CEP112: variants seen among roughly 807,000 people sequenced by gnomAD.
The protein encoded by CEP112 is centrosomal protein 112, also known as centrosomal protein of 112 kDa.
Under a neutral mutation model 153.0 loss-of-function variants are expected in CEP112, and 127 were observed. The observed-to-expected ratio is 0.83, with a 90% CI of 0.72 to 0.96. The LOEUF is 0.96. Ranked by LOEUF, CEP112 falls within the 40% of genes least tolerant of loss-of-function variation. The probability of loss-of-function intolerance (pLI) is 0.00; values close to 1 mark genes in which losing one functional copy is unlikely to be tolerated. For missense variants in CEP112, 1,089 were observed against 1,101.2 expected, an observed-to-expected ratio of 0.99 and a Z score of 0.16; for synonymous variants, 358 against 374.4, an observed-to-expected ratio of 0.96 and a Z score of 0.51.
At chr17:65,779,923 G>A (rs867776926) in intron 21 of CEP112, among the ~76,000 whole-genome samples, 78 of 152,080 alleles carry the variant, frequency 5.1e-4, no homozygotes, top group African/African-American at 1.8e-3. Flanking sequence ...ACTCAGTACT[G>A]AGTTTCTCAT....
intron 21 of CEP112, among the ~76,000 whole-genome samples, chr17:65,768,640 G>A (rs1407214520): frequency 6.8e-6 from 1 of 147,896 alleles, no homozygotes; most frequent in Non-Finnish European, 1.5e-5. Context: ...TGCAAGGCTG[G>A]TTTAATATAC....
intron 18 of CEP112, among the ~76,000 whole-genome samples, chr17:65,950,717 G>A (rs12944212): frequency 3.3e-5 from 4 of 120,804 alleles, no homozygotes; most frequent in Non-Finnish European, 7.4e-5. Context: ...AGTAGTAGTA[G>A]TAGTAGTAGT....
intron 21 of CEP112, among the ~76,000 whole-genome samples, chr17:65,847,573 T>A (rs1230653241): frequency 6.6e-6 from 1 of 152,192 alleles, no homozygotes; most frequent in East Asian, 1.9e-4. Flanking sequence ...AGGTCATGCC[T>A]CCTGTCACTC....
intron 18 of CEP112, 73 bp from the exon 19 acceptor site, chr17:65,927,762 T>C: frequency 1.1e-6 from 1 of 888,210 alleles, no homozygotes; most frequent in South Asian, 2.1e-5. Flanking sequence ...AATTTGTCCA[T>C]TTGTTTAAAT....
At chr17:65,882,192 C>T (rs554572384) in intron 20 of CEP112, among the ~76,000 whole-genome samples, 1 of 152,370 alleles carries the variant, frequency 6.6e-6, no homozygotes, top group African/African-American at 2.4e-5. Context: ...CTGCCTGCTG[C>T]CTGCTCCCAG....
At chr17:66,048,922 G>T (rs8079213) in intron 12 of CEP112, among the ~76,000 whole-genome samples, 149,370 of 152,280 alleles carry the variant, frequency 0.98, 73,321 homozygotes, top group East Asian at 1. Context: ...AAAGCACTAA[G>T]TGTAAAAGAC....
intron 21 of CEP112, among the ~76,000 whole-genome samples, chr17:65,761,653 C>T (rs530086225): frequency 1.4e-4 from 21 of 152,060 alleles, no homozygotes; most frequent in East Asian, 7.7e-4. Flanking sequence ...TTCTTTGACC[C>T]GTGTGATTTT....
chr17:66,012,012 G>A (rs1318864747), intron 16 of CEP112, among the ~76,000 whole-genome samples: 1 of 152,136 alleles, frequency 6.6e-6, no homozygotes, highest in African/African-American at 2.4e-5. Flanking sequence ...TTGATTTAAA[G>A]GCTGTTTTGT....
intron 21 of CEP112, among the ~76,000 whole-genome samples, chr17:65,756,405 C>CAAAAAAAAAAAAAAAAAAAAAAAAAAA (rs766476895): frequency 3.3e-5 from 1 of 30,514 alleles, no homozygotes; most frequent in Non-Finnish European, 6.0e-5. Context: ...GACTCCGTCT[C>CAAAAAAAAAAAAAAAAAAAAAAAAAAA]AAAAAAAAAA....
At chr17:66,130,567 A>C (rs1380783645) in intron 5 of CEP112, among the ~76,000 whole-genome samples, 3 of 152,164 alleles carry the variant, frequency 2.0e-5, no homozygotes, top group Non-Finnish European at 4.4e-5. Context: ...CGAGGTCAGG[A>C]GATCAAGACC....
At chr17:66,069,099 T>G (rs1346978997) in intron 9 of CEP112, among the ~76,000 whole-genome samples, 1 of 151,718 alleles carries the variant, frequency 6.6e-6, no homozygotes, top group East Asian at 1.9e-4. Flanking sequence ...TATATATATA[T>G]TAAGCTTTTA....
At chr17:65,712,355 A>G (rs2049241435) in intron 23 of CEP112, among the ~76,000 whole-genome samples, 1 of 151,850 alleles carries the variant, frequency 6.6e-6, no homozygotes, top group African/African-American at 2.4e-5. Context: ...AAAAATAAAC[A>G]CCTCCTTATC....
intron 19 of CEP112, among the ~76,000 whole-genome samples, chr17:65,923,987 T>C (rs2060826404): frequency 6.6e-6 from 1 of 152,146 alleles, no homozygotes; most frequent in Non-Finnish European, 1.5e-5. Flanking sequence ...ATTTATTTAT[T>C]TATTTTTGAG....
chr17:66,144,166 G>C (rs999519916), intron 4 of CEP112, among the ~76,000 whole-genome samples: 1 of 152,078 alleles, frequency 6.6e-6, no homozygotes, highest in African/African-American at 2.4e-5. Flanking sequence ...GATGAGTTTT[G>C]ACAAAAGTAC....
At chr17:65,855,978 C>T (rs1467425108) in intron 20 of CEP112, among the ~76,000 whole-genome samples, 1 of 152,002 alleles carries the variant, frequency 6.6e-6, no homozygotes, top group East Asian at 1.9e-4. Flanking sequence ...GAAAGAAGAT[C>T]AATTGAGCCC....
At chr17:66,125,018 CTTTG>C (rs2069776575) in intron 6 of CEP112, among the ~76,000 whole-genome samples, 2 of 151,968 alleles carry the variant, frequency 1.3e-5, no homozygotes, top group African/African-American at 2.4e-5. Context: ...ACTGTTACGG[CTTTG>C]TTTGTTTTTT....
intron 24 of CEP112, among the ~76,000 whole-genome samples, chr17:65,649,006 G>A (rs983159752): frequency 6.6e-6 from 1 of 151,952 alleles, no homozygotes; most frequent in Admixed American, 6.6e-5. Flanking sequence ...AGCCAACATC[G>A]TGCCACTGCA....
chr17:65,638,318 C>A (rs2044893001), intron 25 of CEP112, among the ~76,000 whole-genome samples: 1 of 152,220 alleles, frequency 6.6e-6, no homozygotes, highest in South Asian at 2.1e-4. Flanking sequence ...TGGTTTGGGG[C>A]CAACTTATAC....
chr17:66,015,789 C>G (rs1014246686), intron 16 of CEP112, among the ~76,000 whole-genome samples: 1 of 152,200 alleles, frequency 6.6e-6, no homozygotes, highest in Non-Finnish European at 1.5e-5. Context: ...ATTACATACA[C>G]AGACCTTCTG....
Sources: allele counts gnomAD v4.1 joint callset (sites outside exome capture counted in the v4.1 genomes callset), GRCh38; gene constraint gnomAD v4.1.1; transcripts MANE v1.5; gene names NCBI Gene and HGNC (gene_info 2026-07-23, HGNC 2026-07-21).